The following SDK1 variants were observed in gnomAD, a reference collection of about 807,000 sequenced individuals.
The protein encoded by SDK1 is sidekick cell adhesion molecule 1.
Under a neutral mutation model 245.5 loss-of-function variants are expected in SDK1, and 157 were observed. The observed-to-expected ratio is 0.64, with a 90% CI of 0.56 to 0.73. The LOEUF (loss-of-function observed/expected upper bound fraction) is 0.73, where lower values mean the gene tolerates loss of function less well. SDK1 is among the 30% of genes least tolerant of loss of function. The pLI, the probability that SDK1 is intolerant of heterozygous loss-of-function variation, is 0.00. For missense variants in SDK1, 3,583 were observed against 3,002.3 expected (o/e 1.19, Z -4.52); for synonymous variants, 1,647 against 1,278.5 (o/e 1.29, Z -6.15).
At chr7:4,105,434 G>C (rs1004873127) in intron 22 of SDK1, among the ~76,000 whole-genome samples, 1 of 152,022 alleles carries the variant, frequency 6.6e-6, no homozygotes, top group Non-Finnish European at 1.5e-5. Context: ...AGCCTCGTGA[G>C]TAGCTGGGAC....
intron 14 of SDK1, among the ~76,000 whole-genome samples, chr7:3,995,829 T>C (rs1784660596): frequency 6.6e-6 from 1 of 152,136 alleles, no homozygotes; most frequent in Non-Finnish European, 1.5e-5. Flanking sequence ...ATTTTTTTTT[T>C]TTCTGTCATT....
At chr7:3,584,373 G>C (rs1209183689) in intron 1 of SDK1, among the ~76,000 whole-genome samples, 2 of 152,016 alleles carry the variant, frequency 1.3e-5, no homozygotes, top group Non-Finnish European at 2.9e-5. Flanking sequence ...ATCCCTTCAA[G>C]CCCCACATGA....
chr7:3,611,783 C>T (rs1415189015), intron 1 of SDK1, among the ~76,000 whole-genome samples: 1 of 151,970 alleles, frequency 6.6e-6, no homozygotes, highest in African/African-American at 2.4e-5. Context: ...GCTATGCCTC[C>T]TTACTCCGGC....
chr7:3,442,023 T>C (rs1211145567), intron 1 of SDK1, among the ~76,000 whole-genome samples: 2 of 152,160 alleles, frequency 1.3e-5, no homozygotes, highest in Non-Finnish European at 2.9e-5. Context: ...ACGCCACAGA[T>C]GCCAGTTGAC....
chr7:4,268,742 T>TC lies in SDK1; in HGVS notation c.*3360dup, dbSNP rs766279261. 3.7e-5 allele frequency: 51 copies of TC among 1,367,656 alleles called. No homozygotes were observed. The African/African-American group carries it at 7.2e-4, about 19-fold the overall frequency. 84.7% of individuals were successfully genotyped at this position (1,367,656 alleles called of 1,614,324 possible). A position where few individuals can be genotyped will look rare whatever the true frequency, so the allele number is the denominator to read the frequency against. Reference sequence around the variant, plus strand: ...AAGTGTGGCTCCCCGTGGGTCAGCGTCCTGGTAGCATGGATCCAGTCTGAA... The same window carrying TC: ...AAGTGTGGCTCCCCGTGGGTCAGCGTCCCTGGTAGCATGGATCCAGTCTGAA... On this transcript the variant is annotated 3_prime_UTR_variant, in exon 45 of 45. Coordinates refer to ENST00000404826, the MANE Select transcript of SDK1 (RefSeq NM_152744.4).
intron 1 of SDK1, among the ~76,000 whole-genome samples, chr7:3,325,119 T>G (rs1432938610): frequency 6.6e-6 from 1 of 152,154 alleles, no homozygotes; most frequent in Admixed American, 6.5e-5. Flanking sequence ...ACCACTTTTT[T>G]TTTTTGGTGA....
At chr7:3,547,567 C>G (rs1019684313) in intron 1 of SDK1, among the ~76,000 whole-genome samples, 4 of 152,194 alleles carry the variant, frequency 2.6e-5, no homozygotes, top group Admixed American at 6.5e-5. Context: ...TGTTTAAACT[C>G]TTGGCATTAA....
intron 28 of SDK1, among the ~76,000 whole-genome samples, chr7:4,144,114 CAG>C: frequency 7.5e-6 from 1 of 133,284 alleles, no homozygotes; most frequent in South Asian, 2.5e-4. Context: ...TCTCACTACA[CAG>C]GGGTGTGGGG....
intron 1 of SDK1, among the ~76,000 whole-genome samples, chr7:3,314,665 A>G (rs528746501): frequency 6.6e-6 from 1 of 152,230 alleles, no homozygotes; most frequent in Non-Finnish European, 1.5e-5. Flanking sequence ...GGCCATCTGC[A>G]TCTCTAACTT....
At chr7:4,258,489 ACCCATATAAATAGCGTTTCTCTAT>A (rs1352304942) in intron 44 of SDK1, among the ~76,000 whole-genome samples, 20 of 152,218 alleles carry the variant, frequency 1.3e-4, no homozygotes, top group Admixed American at 2.6e-4. Flanking sequence ...TATAAGACTC[ACCCATATAAATAGCGTTTCTCTAT>A]CTTTTCTACA....
intron 14 of SDK1, 140 bp downstream of exon 14, chr7:3,987,462 G>C (rs1211321616): frequency 2.3e-6 from 2 of 881,680 alleles, no homozygotes; most frequent in East Asian, 2.5e-5. Flanking sequence ...TTCAAACACA[G>C]CCTGCCCTTT....
intron 32 of SDK1, among the ~76,000 whole-genome samples, chr7:4,169,201 C>G (rs1016051066): frequency 6.6e-6 from 1 of 152,192 alleles, no homozygotes; most frequent in Admixed American, 6.5e-5. Flanking sequence ...AGCAGTAACC[C>G]AGGAATCCAC....
intron 1 of SDK1, among the ~76,000 whole-genome samples, chr7:3,381,799 A>G (rs1457660162): frequency 3.3e-5 from 5 of 152,200 alleles, no homozygotes; most frequent in Admixed American, 6.5e-5. Context: ...TTGGGCTGCA[A>G]TAAGAATCCA....
intron 4 of SDK1, among the ~76,000 whole-genome samples, chr7:3,803,953 A>AT (rs1779175610): frequency 6.6e-6 from 1 of 151,628 alleles, no homozygotes; most frequent in African/African-American, 2.4e-5. Context: ...TTTAGTAGAG[A>AT]CGGGGTTTCA....
At chr7:3,343,129 C>G (rs752652635) in intron 1 of SDK1, among the ~76,000 whole-genome samples, 3 of 151,882 alleles carry the variant, frequency 2.0e-5, no homozygotes, top group Admixed American at 6.6e-5. Flanking sequence ...TAAAACTAAA[C>G]GTAGAACTAT....
intron 4 of SDK1, among the ~76,000 whole-genome samples, chr7:3,777,812 A>C (rs1182404151): frequency 9.2e-5 from 14 of 152,262 alleles, no homozygotes. Context: ...TCATTATCAT[A>C]AGCTTAGAGA....
chr7:4,257,536 A>C (rs560742015), intron 44 of SDK1, among the ~76,000 whole-genome samples: 19 of 152,362 alleles, frequency 1.2e-4, no homozygotes, highest in African/African-American at 3.6e-4. Flanking sequence ...GTGCTTTCTC[A>C]AAGAGGCAAT....
At chr7:4,191,978 C>T (rs923915383) in intron 35 of SDK1, among the ~76,000 whole-genome samples, 6 of 152,238 alleles carry the variant, frequency 3.9e-5, no homozygotes, top group African/African-American at 7.2e-5. Context: ...AGGCCTCTCT[C>T]AAACCCTCGC....
intron 1 of SDK1, among the ~76,000 whole-genome samples, chr7:3,330,201 A>G (rs1341882739): frequency 6.6e-6 from 1 of 152,116 alleles, no homozygotes; most frequent in East Asian, 1.9e-4. Context: ...TCTCTTGGGT[A>G]TGTACCTACA....
Sources: allele counts gnomAD v4.1 joint callset (sites outside exome capture counted in the v4.1 genomes callset), GRCh38; gene constraint gnomAD v4.1.1; transcripts MANE v1.5; gene names NCBI Gene and HGNC (gene_info 2026-07-23, HGNC 2026-07-21).